AFF3: variants seen among roughly 807,000 people sequenced by gnomAD.
The protein encoded by AFF3 is ALF transcription elongation factor 3.
In AFF3, 32 loss-of-function variants were observed where a neutral mutation model predicts 129.7. The ratio of observed to expected loss-of-function variants is 0.25; its 90% CI spans 0.19 to 0.33. The LOEUF (loss-of-function observed/expected upper bound fraction) is 0.33, where lower values mean the gene tolerates loss of function less well. Ranked by LOEUF, AFF3 falls within the 10% of genes least tolerant of loss-of-function variation. The pLI is 1.00. For synonymous variants in AFF3, 644 were observed against 635.4 expected (o/e 1.01, Z -0.20); for missense variants, 1,373 against 1,592.0 (o/e 0.86, Z 2.34).
intron 7 of AFF3, among the ~76,000 whole-genome samples, chr2:99,978,421 A>T (rs1679087186): frequency 6.6e-6 from 1 of 152,172 alleles, no homozygotes; most frequent in African/African-American, 2.4e-5. Flanking sequence ...CAATAAAAAA[A>T]CCCAATGCAT....
chr2:99,708,999 G>C (rs1677660825), intron 11 of AFF3, among the ~76,000 whole-genome samples: 1 of 152,182 alleles, frequency 6.6e-6, no homozygotes, highest in Admixed American at 6.5e-5. Flanking sequence ...TACAAGATAG[G>C]TGAAGAAGGA....
At chr2:99,704,949 A>C (rs962000774) in intron 11 of AFF3, among the ~76,000 whole-genome samples, 6 of 152,200 alleles carry the variant, frequency 3.9e-5, no homozygotes, top group Non-Finnish European at 8.8e-5. Flanking sequence ...ACAGAGATGA[A>C]AATTGCAGCT....
chr2:99,937,202 C>G (rs571572956), intron 7 of AFF3, among the ~76,000 whole-genome samples: 1 of 152,060 alleles, frequency 6.6e-6, no homozygotes, highest in Non-Finnish European at 1.5e-5. Context: ...TTGAGCGCCA[C>G]GTCAGTGCTC....
At chr2:99,970,037 A>G (rs1048222453) in intron 7 of AFF3, among the ~76,000 whole-genome samples, 1 of 152,238 alleles carries the variant, frequency 6.6e-6, no homozygotes, top group Admixed American at 6.5e-5. Context: ...AAGAAACAAC[A>G]TATCGCATAA....
intron 7 of AFF3, among the ~76,000 whole-genome samples, chr2:99,862,951 AATATT>A (rs1430993499): frequency 6.6e-6 from 1 of 152,248 alleles, no homozygotes; most frequent in Non-Finnish European, 1.5e-5. Flanking sequence ...TTGGCAAACT[AATATT>A]ATAAAGATTT....
At chr2:99,812,521 C>G (rs555960181) in intron 8 of AFF3, among the ~76,000 whole-genome samples, 2 of 152,296 alleles carry the variant, frequency 1.3e-5, no homozygotes, top group African/African-American at 4.8e-5. Flanking sequence ...ATGACTCTGA[C>G]AGTCATATTG....
chr2:100,114,822 C>T (rs1691669326), intron 2 of AFF3, among the ~76,000 whole-genome samples: 1 of 152,190 alleles, frequency 6.6e-6, no homozygotes, highest in Non-Finnish European at 1.5e-5. Context: ...ATGCAAGCCC[C>T]CGTGTTGAGT....
intron 8 of AFF3, among the ~76,000 whole-genome samples, chr2:99,757,965 C>G (rs1682260969): frequency 6.6e-6 from 1 of 152,192 alleles, no homozygotes; most frequent in African/African-American, 2.4e-5. Context: ...AGTGCCTCCC[C>G]TCTAACCTGT....
At chr2:99,821,705 T>C (rs1018271761) in intron 8 of AFF3, among the ~76,000 whole-genome samples, 1 of 152,182 alleles carries the variant, frequency 6.6e-6, no homozygotes, top group Admixed American at 6.5e-5. Context: ...TTTATCCGAC[T>C]GGAAGCACAG....
At chr2:99,863,172 T>TA (rs1312940861) in intron 7 of AFF3, among the ~76,000 whole-genome samples, 3 of 152,270 alleles carry the variant, frequency 2.0e-5, no homozygotes, top group Non-Finnish European at 4.4e-5. Context: ...AAGAAAAGCG[T>TA]AAGCTTTTTT....
At chr2:99,801,143 T>C (rs752441893) in intron 8 of AFF3, among the ~76,000 whole-genome samples, 8 of 152,220 alleles carry the variant, frequency 5.3e-5, no homozygotes, top group Non-Finnish European at 1.2e-4. Context: ...ATGTCGATTA[T>C]ATCTCAATAA....
chr2:99,685,513 G>C (rs1466201502), intron 11 of AFF3, among the ~76,000 whole-genome samples: 1 of 152,112 alleles, frequency 6.6e-6, no homozygotes, highest in African/African-American at 2.4e-5. Context: ...ACCAGTCAAG[G>C]CCACTCCTTA....
At chr2:99,802,798 C>T (rs1332698156) in intron 8 of AFF3, among the ~76,000 whole-genome samples, 3 of 147,306 alleles carry the variant, frequency 2.0e-5, no homozygotes, top group Non-Finnish European at 4.5e-5. Flanking sequence ...GATTTGTGTA[C>T]ATGAATTTTG....
chr2:100,031,974 T>C (rs1490056940), intron 4 of AFF3, among the ~76,000 whole-genome samples: 1 of 152,238 alleles, frequency 6.6e-6, no homozygotes, highest in East Asian at 1.9e-4. Context: ...ATATTGAGTG[T>C]TACATATTGA....
intron 7 of AFF3, among the ~76,000 whole-genome samples, chr2:99,868,743 C>T (rs1691635335): frequency 6.6e-6 from 1 of 152,138 alleles, no homozygotes; most frequent in Admixed American, 6.5e-5. Context: ...TTGTATGAAG[C>T]TGTCTCTTTG....
intron 12 of AFF3, among the ~76,000 whole-genome samples, chr2:99,657,848 C>T (rs1685887757): frequency 6.6e-6 from 1 of 152,198 alleles, no homozygotes; most frequent in African/African-American, 2.4e-5. Flanking sequence ...AACATTATCT[C>T]ATAAGGTGGA....
intron 8 of AFF3, among the ~76,000 whole-genome samples, chr2:99,758,687 A>G (rs1252034922): frequency 6.6e-6 from 1 of 151,000 alleles, no homozygotes; most frequent in African/African-American, 2.4e-5. Context: ...ATTAAGTTTT[A>G]GTTTTCAAAA....
intron 7 of AFF3, among the ~76,000 whole-genome samples, chr2:99,980,940 T>C (rs1679345369): frequency 6.6e-6 from 1 of 152,186 alleles, no homozygotes; most frequent in African/African-American, 2.4e-5. Flanking sequence ...TATATATTGT[T>C]TTTATATACT....
At chr2:99,562,737 T>C (rs1374177920) in intron 20 of AFF3, among the ~76,000 whole-genome samples, 1 of 152,150 alleles carries the variant, frequency 6.6e-6, no homozygotes, top group Non-Finnish European at 1.5e-5. Context: ...TTTTGACCAT[T>C]AGGTTAGGAG....
Sources: allele counts gnomAD v4.1 joint callset (sites outside exome capture counted in the v4.1 genomes callset), GRCh38; gene constraint gnomAD v4.1.1; transcripts MANE v1.5; gene names NCBI Gene and HGNC (gene_info 2026-07-23, HGNC 2026-07-21).